BTBD8: variants seen among roughly 807,000 people sequenced by gnomAD.
BTBD8 encodes the protein BTB domain containing 8.
A neutral mutation model predicts 162.9 loss-of-function variants in BTBD8; 110 were observed. The observed-to-expected ratio is 0.68, with a 90% CI of 0.58 to 0.79. The LOEUF (loss-of-function observed/expected upper bound fraction) is 0.79, where lower values mean the gene tolerates loss of function less well. Ranked by LOEUF, BTBD8 falls within the 30% of genes least tolerant of loss-of-function variation. The probability of loss-of-function intolerance (pLI) is 0.00; values close to 1 mark genes in which losing one functional copy is unlikely to be tolerated. For synonymous variants in BTBD8, 667 were observed against 716.1 expected, an observed-to-expected ratio of 0.93 and a Z score of 1.10; for missense variants, 1,905 against 2,085.4, an observed-to-expected ratio of 0.91 and a Z score of 1.68.
chr1:92,116,736 C>T (rs1030641380), intron 4 of BTBD8, among the ~76,000 whole-genome samples: 1 of 151,888 alleles, frequency 6.6e-6, no homozygotes, highest in Non-Finnish European at 1.5e-5. Flanking sequence ...TTTTAGATAG[C>T]AAATAGTTAT....
Position 92,139,359 on chromosome 1 carries a change from T to C in BTBD8, c.762T>C (p.His254=). ...TTCTTTTATTTTTCAGTATAAGCCA[T>C]GTAGAACTGAATGTTATGATGCATT... ...QEYVTLQGIS[H]VELNVMMHFI... is the part of the protein sequence containing the mutation. The change falls in exon 6 of 18, where the codon CAT becomes CAC. Residue 254 remains histidine, a synonymous_variant. Transcript: ENST00000636805. The C allele has an allele frequency of 6.3e-7, 1 of 1,585,164 alleles. No homozygotes were observed. The highest frequency in any genetic ancestry group is 1.2e-5 in the South Asian group (1 of 83,626).
intron 9 of BTBD8, among the ~76,000 whole-genome samples, chr1:92,154,936 G>A (rs960324513): frequency 6.6e-6 from 1 of 152,108 alleles, no homozygotes; most frequent in Non-Finnish European, 1.5e-5. Flanking sequence ...GTTGATATTT[G>A]GGTATGTTGT....
intron 13 of BTBD8, among the ~76,000 whole-genome samples, chr1:92,175,726 C>T (rs1650694863): frequency 6.6e-6 from 1 of 151,688 alleles, no homozygotes; most frequent in Non-Finnish European, 1.5e-5. Context: ...ACCCAGGAGG[C>T]AGAAGTTGCA....
intron 7 of BTBD8, among the ~76,000 whole-genome samples, chr1:92,146,232 A>G (rs1368160257): frequency 6.6e-6 from 1 of 152,138 alleles, no homozygotes; most frequent in African/African-American, 2.4e-5. Flanking sequence ...TTCAAATGAT[A>G]TGCCATAAAA....
At chr1:92,172,656 G>A (rs570104580) in intron 13 of BTBD8, among the ~76,000 whole-genome samples, 1 of 152,298 alleles carries the variant, frequency 6.6e-6, no homozygotes, top group African/African-American at 2.4e-5. Flanking sequence ...AGTTTGGAAT[G>A]CAATGAACGT....
At chr1:92,164,979 G>C (rs565279766) in intron 9 of BTBD8, among the ~76,000 whole-genome samples, 2 of 151,702 alleles carry the variant, frequency 1.3e-5, no homozygotes, top group Non-Finnish European at 2.9e-5. Flanking sequence ...AAATTAGCTG[G>C]GTGTGGTAGC....
intron 2 of BTBD8, among the ~76,000 whole-genome samples, chr1:92,091,835 A>C (rs1226237058): frequency 2.6e-5 from 4 of 152,190 alleles, no homozygotes; most frequent in Non-Finnish European, 5.9e-5. Flanking sequence ...TGTATTGCGT[A>C]AGGAAGGGAT....
At chr1:92,081,062 C>T (rs1557433162) in intron 1 of BTBD8, among the ~76,000 whole-genome samples, 2 of 152,128 alleles carry the variant, frequency 1.3e-5, no homozygotes, top group Non-Finnish European at 2.9e-5. Flanking sequence ...CTGAAACTTA[C>T]ACAATTTTTA....
chr1:92,107,237 A>G (rs563229775), intron 3 of BTBD8, among the ~76,000 whole-genome samples: 2 of 152,314 alleles, frequency 1.3e-5, no homozygotes, highest in Admixed American at 1.3e-4. Flanking sequence ...AAAATTAGAA[A>G]AAGATGCTCA....
In BTBD8 at chr1:92,080,561, C is replaced by G. The variant is rs762802646; in HGVS notation, c.-11C>G. The G allele has an allele frequency of 2.2e-5, 35 of 1,613,274 alleles. No homozygotes were observed. Among genetic ancestry groups the G allele is most frequent in the Non-Finnish European group, 4.2e-6 (5 of 1,179,744 alleles). On this transcript the variant is annotated 5_prime_UTR_variant, in exon 1 of 18. Transcript: ENST00000636805. Reference sequence around the variant, plus strand: ...GTACTGGGCCTCCAGGGCGTCGTACCTCTGTGAGACATGGCTCGCTGTGGG... The same window carrying G: ...GTACTGGGCCTCCAGGGCGTCGTACGTCTGTGAGACATGGCTCGCTGTGGG...
rs1649074222 is a variant in BTBD8 at position 92,117,444 on chromosome 1, A to G, written c.662+9443A>G. Among the ~76,000 whole-genome samples, 5 of 151,738 alleles carry G rather than the reference A, an allele frequency of 3.3e-5. No individual in the cohort carries two copies. In the South Asian group the frequency reaches 1.0e-3, roughly 31 times the overall value. On this transcript the variant is annotated intron_variant, in intron 4 of 17. Coordinates refer to ENST00000636805, the MANE Select transcript of BTBD8 (RefSeq NM_001376131.1). The stretch of plus-strand genomic sequence containing the variant: ...AATTTTGTTAGGGTGCATCTAGGAT[A>G]GCCTTTGCTCTAAATGTTGTAAAGC...
chr1:92,168,217 C>G lies in BTBD8; in HGVS notation c.1443+232C>G, dbSNP rs149719710. Among the ~76,000 whole-genome samples the G allele has an allele frequency of 1.7e-3, 265 of 152,118 alleles. 3 individuals are homozygous for G. Among genetic ancestry groups the G allele is most frequent in the African/African-American group, 5.8e-3 (242 of 41,498 alleles). The stretch of plus-strand genomic sequence containing the variant: ...AAAAGTTTAGAAATTGGCAGTTTGG[C>G]TGGGTAATTTTAAATTTAGTGTGAT... On this transcript the variant is annotated intron_variant, in intron 11 of 17. Coordinates refer to ENST00000636805, the MANE Select transcript of BTBD8 (RefSeq NM_001376131.1).
At position 92,176,888 on chromosome 1, in the gene BTBD8, C is replaced by A. The variant is rs1650727432; in HGVS notation, c.1695C>A (p.Asn565Lys). 1.3e-6 allele frequency: 2 copies of A among 1,498,980 alleles called. No homozygotes were observed. The highest frequency in any genetic ancestry group is 1.4e-5 in the African/African-American group (1 of 70,434). 92.9% of individuals were successfully genotyped at this position (1,498,980 alleles called of 1,614,324 possible). A position where few individuals can be genotyped will look rare whatever the true frequency, so the allele number is the denominator to read the frequency against. Reference sequence around the variant, plus strand: ...AAATCAAATCTTGGAGGGGAAATAACAAGAAAGAGTGTTGGAGTTATCTCT... The same window carrying A: ...AAATCAAATCTTGGAGGGGAAATAAAAAGAAAGAGTGTTGGAGTTATCTCT... ...DIKIKSWRGNNKKECWSYLST... is the reference protein window; with the variant it reads ...DIKIKSWRGNKKKECWSYLST... The change falls in exon 14 of 18, where the codon AAC becomes AAA. Residue 565 changes from asparagine to lysine, a missense_variant. Asn to Lys is a moderately conservative substitution (Grantham distance 94). Coordinates refer to ENST00000636805, the MANE Select transcript of BTBD8 (RefSeq NM_001376131.1).
At chr1:92,130,140 C>T (rs551260519) in intron 5 of BTBD8, among the ~76,000 whole-genome samples, 1 of 152,134 alleles carries the variant, frequency 6.6e-6, no homozygotes, top group African/African-American at 2.4e-5. Flanking sequence ...ACTCATGTGG[C>T]CTTTCCTTGG....
Position 92,166,714 on chromosome 1 carries a change from T to C in BTBD8, c.1123-244T>C, listed in dbSNP as rs146193211. ...TACTGGGATTATAGGAATGAGCCAC[T>C]GTACCCCACCTCTTTTAGCTACCTT... is the stretch of plus-strand genomic sequence containing the variant. On this transcript the variant is annotated intron_variant, in intron 9 of 17. Transcript: ENST00000636805. Among the ~76,000 whole-genome samples the C allele has an allele frequency of 1.7e-3, 264 of 152,240 alleles. 3 individuals carry two copies. The highest frequency in any genetic ancestry group is 5.8e-3 in the African/African-American group (242 of 41,550).
At chr1:92,089,945 A>G (rs776453393) in intron 2 of BTBD8, among the ~76,000 whole-genome samples, 5 of 152,166 alleles carry the variant, frequency 3.3e-5, no homozygotes, top group Non-Finnish European at 5.9e-5. Flanking sequence ...AATGGGAGAA[A>G]CTAGTTTAAA....
chr1:92,147,379 A>G lies in BTBD8; in HGVS notation c.1019+111A>G, dbSNP rs549195723. On this transcript the variant is annotated intron_variant, in intron 8 of 17. Transcript: ENST00000636805. ...GGCCTGTTTTCTTGGACACAATGTAAGTAAGTAGCTTAGTGCTAAACTAGT... is the reference window on the plus strand; with the variant it reads ...GGCCTGTTTTCTTGGACACAATGTAGGTAAGTAGCTTAGTGCTAAACTAGT... The G allele has an allele frequency of 4.8e-5, 41 of 862,164 alleles. No individual in the cohort carries two copies. The East Asian group carries it at 1.1e-3, about 22-fold the overall frequency. 53.4% of individuals were successfully genotyped at this position (862,164 alleles called of 1,614,324 possible).
Position 92,178,368 on chromosome 1 carries a change from T to G in BTBD8, c.2498T>G (p.Leu833Trp), listed in dbSNP as rs749823585. 8 of 1,551,584 alleles carry G rather than the reference T, an allele frequency of 5.2e-6. No homozygotes were observed. Among genetic ancestry groups the G allele is most frequent in the Non-Finnish European group, 6.1e-6 (7 of 1,146,820 alleles). The change falls in exon 16 of 18, where the codon TTG becomes TGG. Residue 833 changes from leucine (L) to tryptophan (W), a missense_variant. Coordinates refer to ENST00000636805, the MANE Select transcript of BTBD8 (RefSeq NM_001376131.1). ...GCSEPVPQAI[L>W]KKRGTSNGCT... Reference sequence around the variant, plus strand: ...AGTGAGCCAGTACCACAGGCAATTTTGAAGAAAAGAGGAACTAGCAATGGA... The same window carrying G: ...AGTGAGCCAGTACCACAGGCAATTTGGAAGAAAAGAGGAACTAGCAATGGA...
At chr1:92,117,585 C>CT (rs1019449503) in intron 4 of BTBD8, among the ~76,000 whole-genome samples, 2 of 151,920 alleles carry the variant, frequency 1.3e-5, no homozygotes, top group Non-Finnish European at 2.9e-5. Flanking sequence ...CTTTGCCAGG[C>CT]TTTGTGTAGT....
Sources: gnomAD v4.1 joint callset for allele counts (sites outside exome capture counted in the v4.1 genomes callset) on GRCh38, gnomAD v4.1.1 for gene constraint, MANE v1.5 for transcripts, NCBI Gene and HGNC (gene_info 2026-07-23, HGNC 2026-07-21) for gene names.